The following SHOC1 variants were observed in gnomAD, a reference collection of about 807,000 sequenced individuals.
SHOC1 encodes the protein protein shortage in chiasmata 1 ortholog.
A neutral mutation model predicts 179.2 loss-of-function variants in SHOC1; 136 were observed. That is an observed-to-expected ratio of 0.76 (90% confidence interval 0.66 to 0.87). SHOC1 has a LOEUF of 0.87. SHOC1 is among the 40% of genes least tolerant of loss of function. The pLI, the probability that SHOC1 is intolerant of heterozygous loss-of-function variation, is 0.00. For missense variants in SHOC1, 1,538 were observed against 1,700.8 expected, an observed-to-expected ratio of 0.90 and a Z score of 1.68; for synonymous variants, 489 against 586.6, an observed-to-expected ratio of 0.83 and a Z score of 2.41.
intron 10 of SHOC1, among the ~76,000 whole-genome samples, chr9:111,745,299 T>G (rs148201113): frequency 8.2e-4 from 125 of 152,326 alleles, no homozygotes; most frequent in African/African-American, 2.7e-3. Context: ...ACTATTATTA[T>G]CCCAGTATTG....
At chr9:111,781,083 A>G in intron 3 of SHOC1, 66 bp from the exon 4 acceptor site, 1 of 1,020,750 alleles carries the variant, frequency 9.8e-7, no homozygotes, top group Non-Finnish European at 1.5e-6. Context: ...AAGGAAGCCA[A>G]ACATTCACCT....
chr9:111,791,646 T>A (rs1836449678), intron 1 of SHOC1, among the ~76,000 whole-genome samples, 192 bp from the exon 2 acceptor site: 1 of 152,186 alleles, frequency 6.6e-6, no homozygotes, highest in Non-Finnish European at 1.5e-5. Context: ...ATTGAATAAT[T>A]TCTTATTGTT....
chr9:111,780,434 G>A (rs1835995183), intron 4 of SHOC1, among the ~76,000 whole-genome samples: 1 of 152,098 alleles, frequency 6.6e-6, no homozygotes, highest in Admixed American at 6.6e-5. Context: ...CTCTGTCATT[G>A]TACTTTGCAC....
intron 2 of SHOC1, among the ~76,000 whole-genome samples, chr9:111,788,516 C>T (rs1303594367): frequency 6.6e-6 from 1 of 152,174 alleles, no homozygotes; most frequent in East Asian, 1.9e-4. Flanking sequence ...TAACACAGAA[C>T]CACATAACTG....
At chr9:111,748,660 C>T (rs1474644703) in intron 8 of SHOC1, among the ~76,000 whole-genome samples, 2 of 150,862 alleles carry the variant, frequency 1.3e-5, no homozygotes, top group East Asian at 2.0e-4. Flanking sequence ...CTCCCTCCCT[C>T]TCTTCCTTTT....
chr9:111,695,918 G>A (rs963450137), intron 24 of SHOC1, among the ~76,000 whole-genome samples: 4 of 152,088 alleles, frequency 2.6e-5, no homozygotes, highest in East Asian at 1.9e-4. Flanking sequence ...GAGATATTTC[G>A]TGGCAAAGTT....
chr9:111,727,755 G>T lies in SHOC1; in HGVS notation c.1712C>A (p.Ser571Tyr), dbSNP rs1833366851. The T allele has an allele frequency of 6.2e-7, 1 of 1,613,244 alleles. No individual in the cohort carries two copies. Among genetic ancestry groups the T allele is most frequent in the Non-Finnish European group, 8.5e-7 (1 of 1,179,644 alleles). ...CTCTTGTTTTTTGCCATGTTCAAAA[G>T]ATGCTTTTTTAATTATTGAAGAGGA... Reference protein sequence around the residue: ...SPSSSIIKKASFEHGKKQEND... With the variant: ...SPSSSIIKKAYFEHGKKQEND... Residue 571 changes from serine to tyrosine, a missense_variant, in exon 13 of 28, where the codon TCT (serine) becomes TAT (tyrosine). Physicochemically the swap from Ser to Tyr is moderately radical, Grantham distance 144. Transcript: ENST00000682961.
chr9:111,723,665 G>C, intron 14 of SHOC1, 127 bp downstream of exon 14: 1 of 950,550 alleles, frequency 1.1e-6, no homozygotes, highest in Non-Finnish European at 1.6e-6. Context: ...GAAAGTAGGA[G>C]TGGAATGAAG....
chr9:111,722,557 G>T lies in SHOC1; in HGVS notation c.1983C>A (p.Leu661=), dbSNP rs62569959. The change falls in exon 15 of 28, where the codon CTC becomes CTA. Residue 661 remains leucine (L), a synonymous_variant. Transcript: ENST00000682961. ...SDSQCQAFCL[L]EAAASPILKN... ...TTAAGATAGGAGAAGCTGCTGCTTCGAGGAGGCAAAATGCTTGGCACTGGC... is the reference window on the plus strand; with the variant it reads ...TTAAGATAGGAGAAGCTGCTGCTTCTAGGAGGCAAAATGCTTGGCACTGGC... 150,742 of 1,603,862 alleles carry T rather than the reference G, an allele frequency of 0.094. 8,288 individuals carry two copies. Among genetic ancestry groups the T allele is most frequent in the South Asian group, 0.2 (17,628 of 87,978 alleles).
chr9:111,692,768 AAT>A (rs1355740857), intron 26 of SHOC1, among the ~76,000 whole-genome samples: 1 of 152,204 alleles, frequency 6.6e-6, no homozygotes, highest in Non-Finnish European at 1.5e-5. Flanking sequence ...CAGCAAATAC[AAT>A]AGAATTTTAG....
Position 111,693,847 on chromosome 9 carries a change from C to G in SHOC1, c.3417G>C (p.Leu1139=). The change falls in exon 26 of 28, where the codon CTG becomes CTC. Residue 1139 remains leucine (L), a synonymous_variant. Transcript: ENST00000682961. ...CAGGTAGGAGTTCCTGAAGTTGACA[C>G]AGAGTTGCTAATAATATCCAATGCA... The part of the protein sequence containing the change: ...PSLHWILLAT[L]CQLQELLPEV... 5.6e-6 allele frequency: 9 copies of G among 1,611,880 alleles called. No homozygotes were observed. Among genetic ancestry groups the G allele is most frequent in the South Asian group, 3.3e-5 (3 of 90,816 alleles).
chr9:111,794,261 T>C, intron 1 of SHOC1, among the ~76,000 whole-genome samples: 1 of 140,274 alleles, frequency 7.1e-6, no homozygotes, highest in African/African-American at 2.7e-5. Context: ...CTTCACTCCC[T>C]CGCATAAAAA....
At chr9:111,789,839 C>A (rs963701245) in intron 2 of SHOC1, among the ~76,000 whole-genome samples, 1 of 152,178 alleles carries the variant, frequency 6.6e-6, no homozygotes, top group Admixed American at 6.5e-5. Flanking sequence ...TTGATTCCTA[C>A]CATGGATATC....
intron 1 of SHOC1, among the ~76,000 whole-genome samples, chr9:111,792,945 G>A (rs982852993): frequency 8.6e-5 from 13 of 151,278 alleles, no homozygotes; most frequent in African/African-American, 2.9e-4. Flanking sequence ...TGCAGTGGCC[G>A]GATCTCAGCT....
chr9:111,786,411 G>T (rs556808563), intron 2 of SHOC1, among the ~76,000 whole-genome samples: 4 of 151,844 alleles, frequency 2.6e-5, no homozygotes, highest in Non-Finnish European at 5.9e-5. Context: ...CTCCAGCCTG[G>T]GCGACAAAGT....
At position 111,727,967 on chromosome 9, in the gene SHOC1, T is replaced by C. The variant is rs775602377; in HGVS notation, c.1500A>G (p.Gln500=). The C allele has an allele frequency of 1.7e-5, 27 of 1,612,176 alleles. No homozygotes were observed. In the East Asian group the frequency reaches 6.0e-4, roughly 36 times the overall value. ...CTTCTTTTGCCAGAGATGGACTCTT[T>C]TGTGGAAGTGATAAATGAGCATTTG... ...KSTNAHLSLP[Q]KSPSLAKEVP... The change falls in exon 13 of 28, where the codon CAA becomes CAG. Residue 500 remains glutamine (Q), a synonymous_variant. Coordinates refer to ENST00000682961, the MANE Select transcript of SHOC1 (RefSeq NM_001378211.1).
chr9:111,768,311 C>T (rs543852608), intron 5 of SHOC1, among the ~76,000 whole-genome samples: 22 of 151,906 alleles, frequency 1.4e-4, no homozygotes, highest in African/African-American at 4.6e-4. Flanking sequence ...CTACAACCTC[C>T]GCCTCCAGGG....
intron 8 of SHOC1, among the ~76,000 whole-genome samples, chr9:111,751,631 A>AGCTGAGATCTTGAGGATCTTAGAGATC (rs1589442030): frequency 1.3e-5 from 2 of 152,190 alleles, no homozygotes; most frequent in East Asian, 1.9e-4. Context: ...ATCTAATTAA[A>AGCTGAGATCTTGAGGATCTTAGAGATC]GCTGAGATCT....
At chr9:111,760,867 G>C (rs1421548321) in intron 5 of SHOC1, among the ~76,000 whole-genome samples, 1 of 151,684 alleles carries the variant, frequency 6.6e-6, no homozygotes, top group Non-Finnish European at 1.5e-5. Flanking sequence ...CAAGAGGTCT[G>C]TTTTAGAACT....
Sources: gnomAD v4.1 joint callset for allele counts (sites outside exome capture counted in the v4.1 genomes callset) on GRCh38, gnomAD v4.1.1 for gene constraint, MANE v1.5 for transcripts, NCBI Gene and HGNC (gene_info 2026-07-23, HGNC 2026-07-21) for gene names.